GIGYF1: variants seen among roughly 807,000 people sequenced by gnomAD.
GIGYF1 encodes GRB10 interacting GYF protein 1.
A neutral mutation model predicts 147.1 loss-of-function variants in GIGYF1; 84 were observed. The observed-to-expected ratio is 0.57, with a 90% CI of 0.48 to 0.68. The LOEUF (loss-of-function observed/expected upper bound fraction) is 0.68, where lower values mean the gene tolerates loss of function less well. Ranked by LOEUF, GIGYF1 falls within the 30% of genes least tolerant of loss-of-function variation. The pLI is 0.00. For synonymous variants in GIGYF1, 752 were observed against 589.5 expected (o/e 1.28, Z -3.99); for missense variants, 1,485 against 1,393.7 (o/e 1.07, Z -1.04).
intron 12 of GIGYF1, among the ~76,000 whole-genome samples, chr7:100,685,757 T>C (rs1176537207): frequency 2.0e-5 from 3 of 152,208 alleles, no homozygotes; most frequent in Non-Finnish European, 4.4e-5. Context: ...CAAGGGACTT[T>C]CAAAGGTCAT....
At position 100,681,648 on chromosome 7, in the gene GIGYF1, G is replaced by A; in HGVS notation, c.*71C>T. On this transcript the variant is annotated 3_prime_UTR_variant, in exon 27 of 27. Transcript: ENST00000678049. ...CTGTGCTCTCTGCGGGGAGCCTGCA[G>A]GCTGGGACCCTCGGTCCACGCCGCT... 2.1e-6 allele frequency: 3 copies of A among 1,440,476 alleles called. No homozygotes were observed. Among genetic ancestry groups the A allele is most frequent in the South Asian group, 1.4e-5 (1 of 72,464 alleles). The allele number at this position is 1,440,476 out of a possible 1,614,324, so 89.2% of individuals were successfully genotyped here. A position where few individuals can be genotyped will look rare whatever the true frequency, so the allele number is the denominator to read the frequency against.
chr7:100,693,404 TC>T (rs1224909316), intron 1 of GIGYF1, among the ~76,000 whole-genome samples: 1 of 151,958 alleles, frequency 6.6e-6, no homozygotes, highest in African/African-American at 2.4e-5. Flanking sequence ...GGACAAGCAG[TC>T]TCTGCTAAGG....
Position 100,681,886 on chromosome 7 carries a change from C to T in GIGYF1, c.3033G>A (p.Leu1011=). 6.2e-7 allele frequency: 1 copy of T among 1,612,302 alleles called. No individual in the cohort carries two copies. The part of the protein sequence containing the change: ...GSKAKRRALM[L]HSDPSILGYS... ...CACCCAGGATGCTGGGGTCTGAGTG[C>T]AGCATCAGTGCCCGCCTCTTGGCCT... Residue 1011 remains leucine (L), a synonymous_variant, in exon 26 of 27, where the codon CTG becomes CTA. Coordinates refer to ENST00000678049, the MANE Select transcript of GIGYF1 (RefSeq NM_001375765.1).
At position 100,683,034 on chromosome 7, in the gene GIGYF1, G is replaced by A. The variant is rs1215625330; in HGVS notation, c.2390C>T (p.Ala797Val). 3.9e-6 allele frequency: 6 copies of A among 1,548,566 alleles called. No individual in the cohort carries two copies. The African/African-American group carries it at 5.4e-5, about 14-fold the overall frequency. Residue 797 changes from alanine to valine, a missense_variant, in exon 22 of 27, where the codon GCC (alanine) becomes GTC (valine). Physicochemically the swap from Ala to Val is moderately conservative, Grantham distance 64. Coordinates refer to ENST00000678049, the MANE Select transcript of GIGYF1 (RefSeq NM_001375765.1). ...CACCACTCGGTGGTTGGGGGCCTGG[G>A]CCCGAGCTGGCTCCCGAGGTGGGGG... ...KQPPPREPAR[A>V]QAPNHRVQLG...
At position 100,681,841 on chromosome 7, in the gene GIGYF1, G is replaced by A. The variant is rs1275912754; in HGVS notation, c.3055+23C>T. On this transcript the variant is annotated intron_variant, in intron 26 of 26. Transcript: ENST00000678049. The stretch of plus-strand genomic sequence containing the variant: ...TCCTGCCCTGTGCCAAGGAAGTCCC[G>A]CTCCTGCCCCAGCCCAGCTCACCCA... 25 of 1,610,668 alleles carry A rather than the reference G, an allele frequency of 1.6e-5. No homozygotes were observed. The East Asian group carries it at 3.3e-4, about 22-fold the overall frequency.
At chr7:100,682,917 G>C in intron 22 of GIGYF1, 95 bp downstream of exon 22, 3 of 1,269,168 alleles carry the variant, frequency 2.4e-6, no homozygotes, top group Non-Finnish European at 3.2e-6. Flanking sequence ...GGCTGGGACT[G>C]GGGCTGGGGC....
In GIGYF1 at chr7:100,681,675, T is replaced by C; in HGVS notation, c.*44A>G. 2.7e-6 allele frequency: 4 copies of C among 1,509,278 alleles called. No homozygotes were observed. The highest frequency in any genetic ancestry group is 3.5e-6 in the Non-Finnish European group (4 of 1,128,668). The allele number at this position is 1,509,278 out of a possible 1,614,324, so 93.5% of individuals were successfully genotyped here. A position where few individuals can be genotyped will look rare whatever the true frequency, so the allele number is the denominator to read the frequency against. On this transcript the variant is annotated 3_prime_UTR_variant, in exon 27 of 27. Coordinates refer to ENST00000678049, the MANE Select transcript of GIGYF1 (RefSeq NM_001375765.1). ...CTGGGACCCTCGGTCCACGCCGCTG[T>C]GGCTGCCCTGGCCTACAGCCCAGGG...
chr7:100,682,899 A>T, intron 22 of GIGYF1, 113 bp downstream of exon 22: 1 of 1,277,380 alleles, frequency 7.8e-7, no homozygotes, highest in South Asian at 1.5e-5. Flanking sequence ...TGTTGCCATC[A>T]CAGGAGAGGC....
intron 1 of GIGYF1, among the ~76,000 whole-genome samples, chr7:100,690,329 G>T (rs1200705030): frequency 6.6e-6 from 1 of 152,142 alleles, no homozygotes; most frequent in Non-Finnish European, 1.5e-5. Flanking sequence ...AGGCATGAGG[G>T]TGGGAGAGAG....
In GIGYF1 at chr7:100,684,281, C is replaced by T. The variant is rs760624977; in HGVS notation, c.1686G>A (p.Leu562=). 13 of 1,607,464 alleles carry T rather than the reference C, an allele frequency of 8.1e-6. No homozygotes were observed. The highest frequency in any genetic ancestry group is 2.2e-5 in the South Asian group (2 of 90,208). The change falls in exon 17 of 27, where the codon TTG becomes TTA. Residue 562 remains leucine (L), a synonymous_variant. Transcript: ENST00000678049. ...ACTGCTGGTGCTGCAGCTGCTGGTA[C>T]AAGGCCGCCGCGGCCAGCTCCTGTT... ...KKQQELAAAA[L]YQQLQHQQFL... is the part of the protein sequence containing the mutation.
At chr7:100,693,354 G>A (rs761835467) in intron 1 of GIGYF1, among the ~76,000 whole-genome samples, 1 of 152,094 alleles carries the variant, frequency 6.6e-6, no homozygotes, top group South Asian at 2.1e-4. Context: ...CTGCTGCACG[G>A]AGGGGCATGA....
chr7:100,683,753 G>GCAGACCC, intron 19 of GIGYF1, 65 bp downstream of exon 19: 2 of 1,553,108 alleles, frequency 1.3e-6, no homozygotes, highest in South Asian at 1.1e-5. Context: ...GGGGTGGGGA[G>GCAGACCC]CAGACCCCAG....
rs1169522752 is a variant in GIGYF1, at chr7:100,689,448, G to A, written c.-991C>T. The stretch of plus-strand genomic sequence containing the variant: ...CGCATCCCTGGGGCCCCAGGCAGAG[G>A]ACTCAAGCGGGTGGGCGGGGTCCAG... On this transcript the variant is annotated 5_prime_UTR_variant, in exon 2 of 27. Transcript: ENST00000678049. 1.3e-5 allele frequency: 2 copies of A among 152,458 alleles called. No individual in the cohort carries two copies. The highest frequency in any genetic ancestry group is 2.9e-5 in the Non-Finnish European group (2 of 68,280). 9.4% of individuals were successfully genotyped at this position (152,458 alleles called of 1,614,324 possible).
At chr7:100,687,747 C>A (rs1407395764) in intron 6 of GIGYF1, 41 bp downstream of exon 6, 4 of 1,599,200 alleles carry the variant, frequency 2.5e-6, no homozygotes, top group Non-Finnish European at 3.4e-6. Flanking sequence ...ATGGCCTCCC[C>A]TCCCAGGCTC....
Sources: gnomAD v4.1 joint callset for allele counts (sites outside exome capture counted in the v4.1 genomes callset) on GRCh38, gnomAD v4.1.1 for gene constraint, MANE v1.5 for transcripts, NCBI Gene and HGNC (gene_info 2026-07-23, HGNC 2026-07-21) for gene names.